The following MAGI1 variants were observed in gnomAD, a reference collection of about 807,000 sequenced individuals.
The protein encoded by MAGI1 is membrane associated guanylate kinase, WW and PDZ domain containing 1.
A neutral mutation model predicts 139.9 loss-of-function variants in MAGI1; 58 were observed. The observed-to-expected ratio is 0.41, with a 90% CI of 0.34 to 0.52. The LOEUF (loss-of-function observed/expected upper bound fraction) is 0.52. Among genes scored for constraint, MAGI1 ranks in the 20% least tolerant of loss-of-function variants. MAGI1 has a pLI of 0.12. For missense variants in MAGI1, 1,874 were observed against 1,901.6 expected, an observed-to-expected ratio of 0.99 and a Z score of 0.27; for synonymous variants, 812 against 737.9, an observed-to-expected ratio of 1.10 and a Z score of -1.63.
intron 1 of MAGI1, among the ~76,000 whole-genome samples, chr3:65,996,134 T>A (rs1576400843): frequency 6.6e-6 from 1 of 152,212 alleles, no homozygotes; most frequent in Non-Finnish European, 1.5e-5. Flanking sequence ...GTAACACTAC[T>A]GAACTTCGCA....
intron 1 of MAGI1, among the ~76,000 whole-genome samples, chr3:65,898,928 A>C (rs1233089833): frequency 6.6e-6 from 1 of 152,130 alleles, no homozygotes; most frequent in Non-Finnish European, 1.5e-5. Context: ...AATTTAAAAA[A>C]ATTTTTTTTT....
intron 12 of MAGI1, 196 bp from the exon 13 acceptor site, chr3:65,401,666 G>A: frequency 6.5e-7 from 1 of 1,544,586 alleles, no homozygotes; most frequent in Non-Finnish European, 8.7e-7. Flanking sequence ...AGAGCGAGAG[G>A]CAGGAGATCT....
At chr3:65,763,432 T>G (rs1243843102) in intron 1 of MAGI1, among the ~76,000 whole-genome samples, 1 of 152,140 alleles carries the variant, frequency 6.6e-6, no homozygotes, top group Admixed American at 6.6e-5. Flanking sequence ...TTCTCAGGCC[T>G]GGCTGAAAAA....
At chr3:65,946,311 A>G (rs2063542678) in intron 1 of MAGI1, among the ~76,000 whole-genome samples, 1 of 152,264 alleles carries the variant, frequency 6.6e-6, no homozygotes, top group African/African-American at 2.4e-5. Flanking sequence ...AGTCCTCGTC[A>G]GCGTCTTGTG....
At chr3:65,582,504 T>C (rs909208884) in intron 2 of MAGI1, among the ~76,000 whole-genome samples, 2 of 152,210 alleles carry the variant, frequency 1.3e-5, no homozygotes, top group Admixed American at 1.3e-4. Context: ...TTACTTCAGG[T>C]GGCAGCTCTT....
chr3:65,658,705 C>CCT (rs1044700076), intron 1 of MAGI1, among the ~76,000 whole-genome samples: 2 of 151,894 alleles, frequency 1.3e-5, no homozygotes. Flanking sequence ...AAGTTCTCTC[C>CCT]CTCTCTCTCT....
intron 1 of MAGI1, among the ~76,000 whole-genome samples, chr3:65,632,801 T>A (rs2084386212): frequency 6.6e-6 from 1 of 152,200 alleles, no homozygotes; most frequent in Non-Finnish European, 1.5e-5. Flanking sequence ...TTCTAAATCC[T>A]GGTCTAGATG....
chr3:65,738,621 T>A (rs2034989456), intron 1 of MAGI1, among the ~76,000 whole-genome samples: 1 of 152,190 alleles, frequency 6.6e-6, no homozygotes, highest in Non-Finnish European at 1.5e-5. Flanking sequence ...CTTGAAAGTT[T>A]AAGTGACTCC....
chr3:65,702,236 C>T (rs2089665746), intron 1 of MAGI1, among the ~76,000 whole-genome samples: 1 of 152,148 alleles, frequency 6.6e-6, no homozygotes, highest in Non-Finnish European at 1.5e-5. Context: ...TAAGGCCTCA[C>T]CCTAGTTACA....
At chr3:65,498,147 G>A (rs1952581809) in intron 2 of MAGI1, among the ~76,000 whole-genome samples, 3 of 152,064 alleles carry the variant, frequency 2.0e-5, no homozygotes, top group Admixed American at 2.0e-4. Context: ...ATTTCAAAGG[G>A]TTTTCAGGAG....
At chr3:65,841,677 C>T (rs761608886) in intron 1 of MAGI1, among the ~76,000 whole-genome samples, 5 of 152,010 alleles carry the variant, frequency 3.3e-5, no homozygotes, top group South Asian at 2.1e-4. Flanking sequence ...CCACCTGGCT[C>T]GGCCTCCCAA....
chr3:65,583,922 A>G (rs1252949577), intron 2 of MAGI1, among the ~76,000 whole-genome samples: 2 of 152,146 alleles, frequency 1.3e-5, no homozygotes, highest in Non-Finnish European at 1.5e-5. Context: ...AAGGTGAAAC[A>G]GATCACAAGA....
intron 1 of MAGI1, among the ~76,000 whole-genome samples, chr3:65,787,912 A>G (rs554838630): frequency 6.6e-6 from 1 of 152,302 alleles, no homozygotes; most frequent in Non-Finnish European, 1.5e-5. Flanking sequence ...GAAACCAAGC[A>G]TGGAAAGTGA....
chr3:65,757,797 A>G (rs1302532468), intron 1 of MAGI1, among the ~76,000 whole-genome samples: 2 of 152,236 alleles, frequency 1.3e-5, no homozygotes, highest in Non-Finnish European at 2.9e-5. Context: ...AAATTATTTG[A>G]GAAATTAAGT....
At chr3:65,851,936 G>A (rs1046519009) in intron 1 of MAGI1, among the ~76,000 whole-genome samples, 4 of 152,166 alleles carry the variant, frequency 2.6e-5, no homozygotes, top group South Asian at 2.1e-4. Flanking sequence ...TTTGATCTGC[G>A]AAAGAGGCAA....
intron 2 of MAGI1, among the ~76,000 whole-genome samples, chr3:65,561,347 G>A (rs752097567): frequency 6.6e-6 from 1 of 152,066 alleles, no homozygotes; most frequent in Non-Finnish European, 1.5e-5. Context: ...ATCTATGGCT[G>A]GGGCAAATGG....
At chr3:65,422,091 G>C (rs1462365254) in intron 12 of MAGI1, among the ~76,000 whole-genome samples, 1 of 152,144 alleles carries the variant, frequency 6.6e-6, no homozygotes, top group East Asian at 1.9e-4. Context: ...CTCTAGAACT[G>C]TGCTGCGTAA....
intron 16 of MAGI1, 58 bp from the exon 17 acceptor site, chr3:65,379,612 G>A (rs1942871951): frequency 6.4e-7 from 1 of 1,554,968 alleles, no homozygotes; most frequent in South Asian, 1.2e-5. Flanking sequence ...CCATCCTGCT[G>A]CCCCTCCCTC....
At chr3:65,551,322 A>C (rs977180509) in intron 2 of MAGI1, among the ~76,000 whole-genome samples, 1 of 151,990 alleles carries the variant, frequency 6.6e-6, no homozygotes, top group Non-Finnish European at 1.5e-5. Flanking sequence ...ATTTTTTGAG[A>C]CGGAGTCTCA....
Sources: allele counts gnomAD v4.1 joint callset (sites outside exome capture counted in the v4.1 genomes callset), GRCh38; gene constraint gnomAD v4.1.1; transcripts MANE v1.5; gene names NCBI Gene and HGNC (gene_info 2026-07-23, HGNC 2026-07-21).